The following SHANK2 variants were observed in gnomAD, a reference collection of about 807,000 sequenced individuals.
SHANK2 encodes the protein SH3 and multiple ankyrin repeat domains 2.
In SHANK2, 43 loss-of-function variants were observed where a neutral mutation model predicts 133.7. The observed-to-expected ratio is 0.32, with a 90% CI of 0.25 to 0.41. SHANK2 has a LOEUF of 0.41. Among genes scored for constraint, SHANK2 ranks in the 10% least tolerant of loss-of-function variants. SHANK2 has a pLI of 1.00. For missense variants in SHANK2, 1,994 were observed against 2,235.8 expected, an observed-to-expected ratio of 0.89 and a Z score of 2.18; for synonymous variants, 1,017 against 952.8, an observed-to-expected ratio of 1.07 and a Z score of -1.24.
intron 10 of SHANK2, among the ~76,000 whole-genome samples, chr11:70,911,356 AAAAAAAACAAAAAAAC>A (rs372963914): frequency 4.0e-4 from 60 of 151,490 alleles, no homozygotes; most frequent in African/African-American, 1.1e-3. Context: ...ACTCCATCTC[AAAAAAAACAAAAAAAC>A]AAAAAAACAA....
intron 17 of SHANK2, among the ~76,000 whole-genome samples, chr11:70,607,509 C>T (rs1404364391): frequency 6.6e-6 from 1 of 152,254 alleles, no homozygotes; most frequent in Non-Finnish European, 1.5e-5. Context: ...GTGCCCAGCA[C>T]CTGCACGCAC....
At chr11:71,200,154 G>C (rs1555116848) in intron 2 of SHANK2, among the ~76,000 whole-genome samples, 1 of 152,224 alleles carries the variant, frequency 6.6e-6, no homozygotes, top group Non-Finnish European at 1.5e-5. Context: ...GCAACTGCTA[G>C]TCTATTTTCT....
At chr11:70,691,151 G>A (rs1464600151) in intron 15 of SHANK2, among the ~76,000 whole-genome samples, 1 of 152,146 alleles carries the variant, frequency 6.6e-6, no homozygotes, top group Non-Finnish European at 1.5e-5. Context: ...AGAGTTCACT[G>A]AGAATGGATG....
intron 23 of SHANK2, 92 bp from the exon 24 acceptor site, chr11:70,489,440 C>T: frequency 2.5e-6 from 3 of 1,204,764 alleles, no homozygotes; most frequent in South Asian, 1.2e-5. Context: ...GAGCTTTAAG[C>T]ACAGCAGACA....
chr11:71,098,320 C>T (rs1041140305), intron 6 of SHANK2, among the ~76,000 whole-genome samples: 4 of 151,734 alleles, frequency 2.6e-5, no homozygotes, highest in East Asian at 2.0e-4. Flanking sequence ...TGTGCACACC[C>T]GTGTGTGTGC....
chr11:70,897,955 C>T (rs1381440593), intron 10 of SHANK2, among the ~76,000 whole-genome samples: 1 of 151,582 alleles, frequency 6.6e-6, no homozygotes, highest in Non-Finnish European at 1.5e-5. Context: ...CACACACACA[C>T]ACACACTTTT....
At chr11:71,162,439 T>C (rs1953040683) in intron 2 of SHANK2, among the ~76,000 whole-genome samples, 1 of 152,130 alleles carries the variant, frequency 6.6e-6, no homozygotes, top group Non-Finnish European at 1.5e-5. Flanking sequence ...AATCAACAGA[T>C]GAATTTGGGG....
intron 17 of SHANK2, among the ~76,000 whole-genome samples, chr11:70,601,355 G>A (rs1282956218): frequency 6.6e-6 from 1 of 152,152 alleles, no homozygotes; most frequent in Non-Finnish European, 1.5e-5. Context: ...GAGTAGCTGG[G>A]ACTACAGGCG....
chr11:70,668,141 A>ACCCAC lies in SHANK2; in HGVS notation c.1854-6468_1854-6464dup, dbSNP rs148404950. 9.6e-3 allele frequency: 1,464 copies of ACCCAC among 152,170 alleles called. 30 individuals are homozygous for ACCCAC. The highest frequency in any genetic ancestry group is 0.033 in the African/African-American group (1,385 of 41,488). The allele number at this position is 152,170 out of a possible 1,614,324, so 9.4% of individuals were successfully genotyped here. A position where few individuals can be genotyped will look rare whatever the true frequency, so the allele number is the denominator to read the frequency against. On this transcript the variant is annotated intron_variant, in intron 15 of 25. Transcript: ENST00000601538. Reference sequence around the variant, plus strand: ...GTGTGGTCAGTTGAATGGTGACTCAACCCACCCAAAAAAATGTGTCCAATT... The same window carrying ACCCAC: ...GTGTGGTCAGTTGAATGGTGACTCAACCCACCCCACCCAAAAAAATGTGTCCAATT...
intron 17 of SHANK2, among the ~76,000 whole-genome samples, chr11:70,649,551 T>TC (rs1555009527): frequency 1.3e-5 from 2 of 151,632 alleles, no homozygotes; most frequent in African/African-American, 4.8e-5. Context: ...ATCATGAAAC[T>TC]CCCCACGAAA....
At chr11:71,086,047 A>G (rs1951400648) in intron 8 of SHANK2, among the ~76,000 whole-genome samples, 1 of 87,350 alleles carries the variant, frequency 1.1e-5, no homozygotes, top group African/African-American at 4.8e-5. Flanking sequence ...ATTATATAAT[A>G]TGTTATATAA....
rs922662761 is a variant in SHANK2 at position 70,785,667 on chromosome 11, G to A, written c.1777+12776C>T. The stretch of plus-strand genomic sequence containing the variant: ...TCTCTAGAGGGTGTTCCAGGTGGCC[G>A]GAGCTGCCGTTAGTCTCAGGCTTCC... On this transcript the variant is annotated intron_variant, in intron 14 of 25. Transcript: ENST00000601538. Among the ~76,000 whole-genome samples the A allele has an allele frequency of 5.3e-5, 8 of 152,314 alleles. No homozygotes were observed. In the East Asian group the frequency reaches 5.8e-4, roughly 11 times the overall value.
At chr11:70,828,050 G>A (rs934018935) in intron 11 of SHANK2, among the ~76,000 whole-genome samples, 3 of 152,292 alleles carry the variant, frequency 2.0e-5, no homozygotes, top group Non-Finnish European at 2.9e-5. Context: ...AGGTGGAGGC[G>A]GTTGAATTGC....
At chr11:70,836,196 C>T (rs1555060013) in intron 11 of SHANK2, among the ~76,000 whole-genome samples, 2 of 152,364 alleles carry the variant, frequency 1.3e-5, no homozygotes, top group Admixed American at 6.5e-5. Flanking sequence ...CCTCCTCTTT[C>T]TGAGCGGCTG....
At chr11:71,204,577 ACCTGGACG>A (rs1331422268) in intron 2 of SHANK2, among the ~76,000 whole-genome samples, 2 of 152,026 alleles carry the variant, frequency 1.3e-5, no homozygotes, top group Admixed American at 6.5e-5. Context: ...TCACCCTGAC[ACCTGGACG>A]CCTGTACCCT....
chr11:70,620,621 G>A (rs1271878331), intron 17 of SHANK2, among the ~76,000 whole-genome samples: 8 of 150,398 alleles, frequency 5.3e-5, no homozygotes, highest in Non-Finnish European at 1.0e-4. Context: ...TGTTGTTACC[G>A]TCTGAATGTC....
intron 5 of SHANK2, among the ~76,000 whole-genome samples, chr11:71,112,170 G>T (rs1235641388): frequency 1.3e-5 from 2 of 152,202 alleles, no homozygotes; most frequent in African/African-American, 4.8e-5. Context: ...GAGGCGGATG[G>T]ATCACCTAAA....
chr11:70,564,459 C>T (rs543764472), intron 17 of SHANK2, among the ~76,000 whole-genome samples: 120 of 152,160 alleles, frequency 7.9e-4, no homozygotes, highest in Non-Finnish European at 9.1e-4. Context: ...GGGGTTTCAC[C>T]GTGTTGGCCA....
At chr11:71,230,348 A>G (rs1283741993) in intron 1 of SHANK2, among the ~76,000 whole-genome samples, 1 of 151,968 alleles carries the variant, frequency 6.6e-6, no homozygotes, top group East Asian at 1.9e-4. Context: ...TTGGAAGGCC[A>G]AGGCGGGTGG....
Sources: allele counts gnomAD v4.1 joint callset (sites outside exome capture counted in the v4.1 genomes callset), GRCh38; gene constraint gnomAD v4.1.1; transcripts MANE v1.5; gene names NCBI Gene and HGNC (gene_info 2026-07-23, HGNC 2026-07-21).